CEP63: variants seen among roughly 807,000 people sequenced by gnomAD.
CEP63 encodes centrosomal protein of 63 kDa.
CEP63 carries 84 observed loss-of-function variants against 89.1 expected under a neutral mutation model. The observed-to-expected ratio is 0.94, with a 90% confidence interval of 0.79 to 1.13. CEP63 has a LOEUF of 1.13. CEP63 is among the 50% of genes most tolerant of loss of function. The probability of loss-of-function intolerance (pLI) is 0.00; values close to 1 mark genes in which losing one functional copy is unlikely to be tolerated. For synonymous variants in CEP63, 267 were observed against 272.5 expected (o/e 0.98, Z 0.20); for missense variants, 838 against 813.3 (o/e 1.03, Z -0.37).
chr3:134,549,799 G>T (rs1173485594), intron 10 of CEP63, among the ~76,000 whole-genome samples: 1 of 152,146 alleles, frequency 6.6e-6, no homozygotes, highest in African/African-American at 2.4e-5. Context: ...TAAATTGTGT[G>T]CATGGACCTT....
chr3:134,676,825 C>A, the CEP63 span, among the ~76,000 whole-genome samples: 2 of 152,296 alleles, frequency 1.3e-5, no homozygotes, highest in African/African-American at 2.4e-5. Flanking sequence ...TATCGCTTAC[C>A]CCCAGAGGAA....
At chr3:134,535,910 T>C (rs1377277169) in intron 5 of CEP63, 1 of 152,226 alleles carries the variant, frequency 6.6e-6, no homozygotes, top group Non-Finnish European at 1.5e-5. Context: ...AAATCTGTTA[T>C]CCTAATGGCC....
chr3:134,614,430 C>A, the CEP63 span, among the ~76,000 whole-genome samples: 1 of 152,052 alleles, frequency 6.6e-6, no homozygotes, highest in Non-Finnish European at 1.5e-5. Flanking sequence ...AACAAGCTGC[C>A]AAGGAGCACC....
At chr3:134,619,396 C>T in the CEP63 span, 1 of 697,180 alleles carries the variant, frequency 1.4e-6, no homozygotes, top group Non-Finnish European at 2.6e-6. Flanking sequence ...AACTACAGCC[C>T]CAGCACAAAT....
At chr3:134,551,877 C>A in intron 11 of CEP63, 49 bp from the exon 12 acceptor site, 1 of 1,237,366 alleles carries the variant, frequency 8.1e-7, no homozygotes. Context: ...TTGTAAGATG[C>A]ATGTGATTTA....
In CEP63 at chr3:134,507,303, GTTC is replaced by G. The variant is rs758848958; in HGVS notation, c.222+23_222+25del. On this transcript the variant is annotated intron_variant, in intron 3 of 14. Coordinates refer to ENST00000675561, the MANE Select transcript of CEP63 (RefSeq NM_001353108.3). ...CATAAGGAGGTAAAGCAATTTATTTGTTCTTCTTTTTGACATTTTTATCTTGTC... is the reference window on the plus strand; with the variant it reads ...CATAAGGAGGTAAAGCAATTTATTTGTTCTTTTTGACATTTTTATCTTGTC... 2.5e-6 allele frequency: 4 copies of G among 1,587,278 alleles called. No homozygotes were observed. Among genetic ancestry groups the G allele is most frequent in the South Asian group, 1.1e-5 (1 of 89,630 alleles).
At chr3:134,626,806 G>A in the CEP63 span, among the ~76,000 whole-genome samples, 15 of 152,300 alleles carry the variant, frequency 9.8e-5, no homozygotes, top group South Asian at 2.5e-3. Context: ...GTCATCAACC[G>A]CTGTGCTGTG....
At chr3:134,493,168 G>A (rs1020158167) in intron 1 of CEP63, among the ~76,000 whole-genome samples, 1 of 152,128 alleles carries the variant, frequency 6.6e-6, no homozygotes, top group African/African-American at 2.4e-5. Flanking sequence ...TGTTAGTTAA[G>A]TATCCGTGTA....
the CEP63 span, among the ~76,000 whole-genome samples, chr3:134,671,074 A>G: frequency 2.6e-5 from 4 of 152,208 alleles, no homozygotes; most frequent in Admixed American, 2.6e-4. Context: ...AAGGGAGAAG[A>G]AGGCATTGGA....
chr3:134,669,943 A>G, the CEP63 span, among the ~76,000 whole-genome samples: 1 of 152,206 alleles, frequency 6.6e-6, no homozygotes, highest in African/African-American at 2.4e-5. Flanking sequence ...TGATTGGGTC[A>G]TAAGGACAGA....
At chr3:134,489,083 C>T (rs1313968180) in intron 1 of CEP63, among the ~76,000 whole-genome samples, 3 of 151,108 alleles carry the variant, frequency 2.0e-5, no homozygotes, top group African/African-American at 7.3e-5. Context: ...ATCGCTTGAA[C>T]CCGGGAGGTG....
the CEP63 span, among the ~76,000 whole-genome samples, chr3:134,647,841 T>G: frequency 6.6e-6 from 1 of 152,236 alleles, no homozygotes; most frequent in African/African-American, 2.4e-5. Context: ...ATTGCCTGCC[T>G]ATTTCTGTAT....
the CEP63 span, chr3:134,601,212 A>C: frequency 6.6e-6 from 1 of 152,116 alleles, no homozygotes; most frequent in African/African-American, 2.4e-5. Flanking sequence ...TGATTTTCTG[A>C]CTGCGCCTAC....
At chr3:134,670,025 G>A in the CEP63 span, among the ~76,000 whole-genome samples, 2 of 152,138 alleles carry the variant, frequency 1.3e-5, no homozygotes, top group Non-Finnish European at 2.9e-5. Flanking sequence ...TGCAATGAGA[G>A]GTTATGGTGA....
At chr3:134,492,808 G>A (rs968595362) in intron 1 of CEP63, among the ~76,000 whole-genome samples, 1 of 152,032 alleles carries the variant, frequency 6.6e-6, no homozygotes, top group Non-Finnish European at 1.5e-5. Context: ...GTTGCACATC[G>A]ATTGTGACTC....
chr3:134,704,437 C>T, the CEP63 span, among the ~76,000 whole-genome samples: 1 of 150,624 alleles, frequency 6.6e-6, no homozygotes, highest in Admixed American at 6.6e-5. Flanking sequence ...AGAACGAAAG[C>T]AGGAAGAGAG....
chr3:134,650,685 G>A, the CEP63 span: 1 of 776,450 alleles, frequency 1.3e-6, no homozygotes, highest in Non-Finnish European at 2.0e-6. Context: ...CTGCGGGGAA[G>A]CGACGGCAGC....
chr3:134,552,796 T>C (rs970662819), intron 12 of CEP63: 10 of 152,168 alleles, frequency 6.6e-5, no homozygotes, highest in African/African-American at 2.2e-4. Flanking sequence ...CCAAGGACTT[T>C]TAGTAGGTGC....
chr3:134,609,272 G>C, the CEP63 span, among the ~76,000 whole-genome samples: 1 of 152,208 alleles, frequency 6.6e-6, no homozygotes, highest in Non-Finnish European at 1.5e-5. Flanking sequence ...ACCTTTTGTG[G>C]CTCTCCAGGG....
Sources: allele counts gnomAD v4.1 joint callset (sites outside exome capture counted in the v4.1 genomes callset), GRCh38; gene constraint gnomAD v4.1.1; transcripts MANE v1.5; gene names NCBI Gene and HGNC (gene_info 2026-07-23, HGNC 2026-07-21).